Variants in RPL3 observed in about 807,000 individuals in gnomAD.
RPL3 encodes the protein ribosomal protein L3.
A neutral mutation model predicts 46.0 loss-of-function variants in RPL3; 3 were observed. The observed-to-expected ratio is 0.07, with a 90% CI of 0.03 to 0.17. RPL3 has a LOEUF of 0.17. Among genes scored for constraint, RPL3 ranks in the 10% least tolerant of loss-of-function variants. RPL3 has a pLI of 1.00. For synonymous variants in RPL3, 224 were observed against 190.8 expected (o/e 1.17, Z -1.43); for missense variants, 387 against 532.7 (o/e 0.73, Z 2.69).
At chr22:39,315,629 C>T (rs1016833750) in intron 4 of RPL3, 74 bp from the exon 5 acceptor site, 21 of 1,553,922 alleles carry the variant, frequency 1.4e-5, no homozygotes, top group African/African-American at 6.8e-5. Context: ...CAGCTCCATG[C>T]GGCCTGATTG....
intron 1 of RPL3, chr22:39,318,937 G>C (rs939317526): frequency 4.0e-6 from 2 of 504,156 alleles, no homozygotes; most frequent in Non-Finnish European, 8.1e-6. Flanking sequence ...GCTAAAGAAA[G>C]GGACTCCCGG....
chr22:39,316,638 ACCC>A, intron 4 of RPL3, 65 bp downstream of exon 4: 2 of 1,599,992 alleles, frequency 1.3e-6, no homozygotes, highest in Non-Finnish European at 1.7e-6. Flanking sequence ...CGGGCACGGG[ACCC>A]CCATGATCAC....
rs1922724038 is a variant in RPL3, at chr22:39,316,787, C to T, written c.420G>A (p.Glu140=). ...FTKYCKKWQD[E]DGKKQLEKDF... is the part of the protein sequence containing the mutation. Reference sequence around the variant, plus strand: ...CCTTCTCCAGCTGCTTCTTGCCATCCTCATCCTGCCATTTCTTGCAGTACT... The same window carrying T: ...CCTTCTCCAGCTGCTTCTTGCCATCTTCATCCTGCCATTTCTTGCAGTACT... The change falls in exon 4 of 10, where the codon GAG becomes GAA. Residue 140 remains glutamate (E), a synonymous_variant. Transcript: ENST00000216146. 1 of 1,614,052 alleles carries T rather than the reference C, an allele frequency of 6.2e-7. No homozygotes were observed. Among genetic ancestry groups the T allele is most frequent in the Admixed American group, 1.7e-5 (1 of 60,020 alleles).
At position 39,315,357 on chromosome 22, in the gene RPL3, C is replaced by G. The variant is rs370173039; in HGVS notation, c.688+12G>C. On this transcript the variant is annotated intron_variant, in intron 5 of 9. Coordinates refer to ENST00000216146, the MANE Select transcript of RPL3 (RefSeq NM_000967.4). ...AGGTTTGCACAGCAACTCAAGCCAC[C>G]GCAAAGCTCACCTTTGTAGCCTTTG... The G allele has an allele frequency of 1.7e-5, 27 of 1,614,066 alleles. No homozygotes were observed. The East Asian group carries it at 5.6e-4, about 33-fold the overall frequency.
At chr22:39,316,988 CTGGATGGAGCTCA>C in intron 3 of RPL3, 147 bp from the exon 4 acceptor site, 1 of 1,206,408 alleles carries the variant, frequency 8.3e-7, no homozygotes, top group Non-Finnish European at 1.2e-6. Flanking sequence ...CAAGCGGAGC[CTGGATGGAGCTCA>C]TCGGGCAGAG....
intron 4 of RPL3, 88 bp from the exon 5 acceptor site, chr22:39,315,643 T>TA: frequency 1.3e-6 from 2 of 1,488,574 alleles, no homozygotes; most frequent in East Asian, 2.3e-5. Flanking sequence ...CTGATTGATG[T>TA]CAAGCACACG....
chr22:39,314,657 C>A (rs369753066), intron 6 of RPL3, 29 bp downstream of exon 6: 2 of 1,595,922 alleles, frequency 1.3e-6, no homozygotes, highest in Non-Finnish European at 1.7e-6. Flanking sequence ...CCTCTTCCCA[C>A]CCCCAGGGAG....
chr22:39,319,281 C>T lies in RPL3; in HGVS notation c.3+314G>A, dbSNP rs140991469. On this transcript the variant is annotated intron_variant, in intron 1 of 9. Transcript: ENST00000216146. ...AGACAAGCAGGTTATGGGCCCTAATCCCAACTAATGATAGAATTGGTGAGG... is the reference window on the plus strand; with the variant it reads ...AGACAAGCAGGTTATGGGCCCTAATTCCAACTAATGATAGAATTGGTGAGG... 5.5e-3 allele frequency: 2,916 copies of T among 528,054 alleles called. 13 individuals carry two copies. Among genetic ancestry groups the T allele is most frequent in the Non-Finnish European group, 8.0e-3 (2,330 of 289,576 alleles). 32.7% of individuals were successfully genotyped at this position (528,054 alleles called of 1,614,324 possible). A position where few individuals can be genotyped will look rare whatever the true frequency, so the allele number is the denominator to read the frequency against.
chr22:39,319,193 C>A (rs1322847212), intron 1 of RPL3: 3 of 545,552 alleles, frequency 5.5e-6, no homozygotes, highest in Non-Finnish European at 1.1e-5. Flanking sequence ...CTCCCCTCCC[C>A]CAAGCTTCTT....
At position 39,314,898 on chromosome 22, in the gene RPL3, C is replaced by T. The variant is rs567011846; in HGVS notation, c.689-52G>A. Reference sequence around the variant, plus strand: ...TCAGCGCCCAGCACCTCCCACTGACCCCTTCCTGCTACTCAGCAATTACCA... The same window carrying T: ...TCAGCGCCCAGCACCTCCCACTGACTCCTTCCTGCTACTCAGCAATTACCA... On this transcript the variant is annotated intron_variant, in intron 5 of 9. Coordinates refer to ENST00000216146, the MANE Select transcript of RPL3 (RefSeq NM_000967.4). 5.0e-6 allele frequency: 8 copies of T among 1,587,170 alleles called. No individual in the cohort carries two copies. The East Asian group carries it at 1.8e-4, about 36-fold the overall frequency.
chr22:39,318,081 C>T, intron 2 of RPL3: 1 of 384,586 alleles, frequency 2.6e-6, no homozygotes, highest in South Asian at 2.9e-5. Context: ...ATGAATGAGG[C>T]AGTTCTTATG....
chr22:39,319,075 A>G, intron 1 of RPL3: 1 of 537,692 alleles, frequency 1.9e-6, no homozygotes, highest in South Asian at 1.4e-5. Flanking sequence ...CAATCAGCAC[A>G]CAGTTTCTGT....
chr22:39,315,349 C>T lies in RPL3; in HGVS notation c.688+20G>A. On this transcript the variant is annotated intron_variant, in intron 5 of 9. Transcript: ENST00000216146. ...TCTCCCCCAGGTTTGCACAGCAACT[C>T]AAGCCACCGCAAAGCTCACCTTTGT... The T allele has an allele frequency of 6.2e-7, 1 of 1,614,050 alleles. No individual in the cohort carries two copies. Among genetic ancestry groups the T allele is most frequent in the Non-Finnish European group, 8.5e-7 (1 of 1,180,030 alleles).
At position 39,314,434 on chromosome 22, in the gene RPL3, C is replaced by G. The variant is rs146784662; in HGVS notation, c.850-226G>C. On this transcript the variant is annotated intron_variant, in intron 6 of 9. Coordinates refer to ENST00000216146, the MANE Select transcript of RPL3 (RefSeq NM_000967.4). The stretch of plus-strand genomic sequence containing the variant: ...CTGTACAACACAGGCCTGTCACCCC[C>G]CTGGTGGTGGCATCAGGGACCAATA... The G allele has an allele frequency of 8.4e-3, 5,278 of 627,348 alleles. 269 individuals carry two copies. The South Asian group carries it at 0.087, about 10-fold the overall frequency. 38.9% of individuals were successfully genotyped at this position (627,348 alleles called of 1,614,324 possible).
rs1922822448 is a variant in RPL3, at chr22:39,318,184, A to C, written c.196+216T>G. 7.2e-6 allele frequency: 4 copies of C among 552,804 alleles called. No homozygotes were observed. In the South Asian group the frequency reaches 9.4e-5, roughly 13 times the overall value. The allele number at this position is 552,804 out of a possible 1,614,324, so 34.2% of individuals were successfully genotyped here. A position where few individuals can be genotyped will look rare whatever the true frequency, so the allele number is the denominator to read the frequency against. ...TACTATGCTCTGAAATCAATACCCCACACCGCACCTAAAGCAAACAGTGCT... is the reference window on the plus strand; with the variant it reads ...TACTATGCTCTGAAATCAATACCCCCCACCGCACCTAAAGCAAACAGTGCT... On this transcript the variant is annotated intron_variant, in intron 2 of 9. Coordinates refer to ENST00000216146, the MANE Select transcript of RPL3 (RefSeq NM_000967.4).
intron 9 of RPL3, 27 bp from the exon 10 acceptor site, chr22:39,313,011 G>A: frequency 1.2e-6 from 2 of 1,614,008 alleles, no homozygotes; most frequent in Non-Finnish European, 1.7e-6. Flanking sequence ...AGTGGTCAGA[G>A]GTAGAAGATG....
intron 4 of RPL3, 44 bp from the exon 5 acceptor site, chr22:39,315,599 C>CA: frequency 1.2e-6 from 2 of 1,607,182 alleles, no homozygotes; most frequent in Non-Finnish European, 1.7e-6. Flanking sequence ...GCCAGCGCTC[C>CA]TCCCACAGCA....
At chr22:39,314,278 C>G in intron 6 of RPL3, 70 bp from the exon 7 acceptor site, 1 of 1,332,968 alleles carries the variant, frequency 7.5e-7, no homozygotes, top group South Asian at 1.2e-5. Context: ...AGTGTGCTGA[C>G]CTGCAAAGCA....
intron 5 of RPL3, chr22:39,315,165 G>A (rs558302269): frequency 4.7e-6 from 4 of 853,604 alleles, no homozygotes; most frequent in Admixed American, 1.7e-5. Flanking sequence ...AACGTGTTAA[G>A]AAGTTGTCCC....
Sources: gnomAD v4.1 joint callset for allele counts on GRCh38, gnomAD v4.1.1 for gene constraint, MANE v1.5 for transcripts, NCBI Gene and HGNC (gene_info 2026-07-23, HGNC 2026-07-21) for gene names.